Variants in STAB2 observed in about 807,000 individuals in gnomAD.
STAB2 encodes the protein stabilin-2.
STAB2 carries 288 observed loss-of-function variants against 338.1 expected under a neutral mutation model. The observed-to-expected ratio is 0.85, with a 90% confidence interval of 0.77 to 0.94. STAB2 has a LOEUF of 0.94. Among genes scored for constraint, STAB2 ranks in the 40% least tolerant of loss-of-function variants. The pLI is 0.00. For missense variants in STAB2, 3,141 were observed against 3,210.1 expected (o/e 0.98, Z 0.52); for synonymous variants, 1,202 against 1,193.3 (o/e 1.01, Z -0.15).
chr12:103,715,915 A>G (rs377425799), intron 43 of STAB2, 27 bp downstream of exon 43: 1 of 1,612,974 alleles, frequency 6.2e-7, no homozygotes. Flanking sequence ...CCAGGCCCTT[A>G]GGTTTCCTAA....
intron 58 of STAB2, among the ~76,000 whole-genome samples, 167 bp downstream of exon 58, chr12:103,746,871 A>G (rs1440266159): frequency 6.6e-6 from 1 of 151,132 alleles, no homozygotes; most frequent in Admixed American, 6.6e-5. Context: ...CTCATGCTTG[A>G]TCTGCTCACC....
intron 65 of STAB2, among the ~76,000 whole-genome samples, chr12:103,759,633 A>C (rs1383800644): frequency 6.6e-6 from 1 of 152,050 alleles, no homozygotes; most frequent in African/African-American, 2.4e-5. Flanking sequence ...AACTGTAAGG[A>C]CTTAAACAAG....
Position 103,702,278 on chromosome 12 carries a change from T to A in STAB2, c.3715-870T>A, listed in dbSNP as rs193220077. 3.2e-3 allele frequency among the ~76,000 whole-genome samples: 471 copies of A among 148,786 alleles called. 4 individuals are homozygous for A. The highest frequency in any genetic ancestry group is 5.6e-3 in the African/African-American group (228 of 40,356). ...GGACAGATATAAATATACCATTTTT[T>A]AAAAAATTATCAGTTATTTTTTTTT... is the stretch of plus-strand genomic sequence containing the variant. On this transcript the variant is annotated intron_variant, in intron 34 of 68. Transcript: ENST00000388887.
At chr12:103,699,855 T>C (rs1056947950) in intron 34 of STAB2, among the ~76,000 whole-genome samples, 3 of 152,198 alleles carry the variant, frequency 2.0e-5, no homozygotes, top group Non-Finnish European at 4.4e-5. Context: ...TCTGCAGTCA[T>C]AGGCGTCCTT....
intron 1 of STAB2, among the ~76,000 whole-genome samples, chr12:103,589,211 T>C (rs1305645108): frequency 6.6e-6 from 1 of 152,234 alleles, no homozygotes; most frequent in African/African-American, 2.4e-5. Context: ...TATATTTCAA[T>C]GAACTTAGAA....
Position 103,727,348 on chromosome 12 carries a change from CG to C in STAB2, c.4935+1del. On this transcript the variant is annotated frameshift_variant and splice_region_variant, in exon 47 of 69. Coordinates refer to ENST00000388887, the MANE Select transcript of STAB2 (RefSeq NM_017564.10). LOFTEE classifies it high-confidence loss of function. Reference protein sequence around the residue: ...PLSAAFDEEARVKDWDKYGLM... With the variant: ...PLSAAFDEEAXVKDWDKYGLM... ...ATCTGCAGCCTTTGATGAGGAAGCT[CG>C]GGTGAGCATGAGACTGTGGGCAGAA... is the stretch of plus-strand genomic sequence containing the variant. 1 of 1,614,178 alleles carries C rather than the reference CG, an allele frequency of 6.2e-7. No homozygotes were observed. The highest frequency in any genetic ancestry group is 1.3e-5 in the African/African-American group (1 of 75,054).
chr12:103,683,154 G>T, intron 25 of STAB2, 51 bp from the exon 26 acceptor site: 2 of 1,523,290 alleles, frequency 1.3e-6, no homozygotes, highest in South Asian at 1.1e-5. Flanking sequence ...GGAAAGACAT[G>T]GAAGGCACTT....
chr12:103,587,640 G>A (rs34792231), intron 1 of STAB2, 83 bp downstream of exon 1: 1 of 1,126,614 alleles, frequency 8.9e-7, no homozygotes, highest in South Asian at 1.4e-5. Flanking sequence ...TGTTGTTATG[G>A]GTAAAGGGTG....
rs111239630 is a variant in STAB2, at chr12:103,628,544, G to T, written c.488-3054G>T. 6.4e-3 allele frequency among the ~76,000 whole-genome samples: 968 copies of T among 152,278 alleles called. 8 individuals are homozygous for T. The highest frequency in any genetic ancestry group is 0.022 in the African/African-American group (915 of 41,548). ...AAGTCAAATATCAAGGTGTTGGCAG[G>T]GCCATGCTCCTTTTGAAGCTTCTAG... On this transcript the variant is annotated intron_variant, in intron 5 of 68. Transcript: ENST00000388887.
At position 103,590,910 on chromosome 12, in the gene STAB2, A is replaced by C. The variant is rs746399403; in HGVS notation, c.95A>C (p.Asp32Ala). Residue 32 changes from aspartate to alanine, a missense_variant, in exon 2 of 69, where the codon GAT (aspartate) becomes GCT (alanine). Asp to Ala is a moderately radical substitution (Grantham distance 126, BLOSUM62 -2). Transcript: ENST00000388887. ...ATATTTACACAGGCAAGAAGATGTG[A>C]TAGGAAGTCTCTTCTTACAATTAGG... ...AETTGQARRC[D>A]RKSLLTIRTE... The C allele has an allele frequency of 1.9e-6, 3 of 1,614,082 alleles. No homozygotes were observed. Among genetic ancestry groups the C allele is most frequent in the Non-Finnish European group, 2.5e-6 (3 of 1,180,008 alleles).
Position 103,740,550 on chromosome 12 carries a change from C to T in STAB2, c.5755-80C>T, listed in dbSNP as rs533722862. ...TTTATTTGGGCAGTACCTAAGACCT[C>T]CATGAGGGCACAGACTAGAGCCCCA... On this transcript the variant is annotated intron_variant, in intron 54 of 68. Coordinates refer to ENST00000388887, the MANE Select transcript of STAB2 (RefSeq NM_017564.10). 1.2e-5 allele frequency: 18 copies of T among 1,533,408 alleles called. No homozygotes were observed. In the South Asian group the frequency reaches 2.1e-4, roughly 18 times the overall value. 95.0% of individuals were successfully genotyped at this position (1,533,408 alleles called of 1,614,324 possible).
intron 18 of STAB2, among the ~76,000 whole-genome samples, chr12:103,665,418 A>G (rs1207099398): frequency 6.6e-6 from 1 of 152,192 alleles, no homozygotes; most frequent in Non-Finnish European, 1.5e-5. Context: ...GCTACTGCAG[A>G]GGTGTGGACA....
intron 17 of STAB2, among the ~76,000 whole-genome samples, chr12:103,661,404 T>C (rs1874608550): frequency 6.6e-6 from 1 of 152,196 alleles, no homozygotes; most frequent in Non-Finnish European, 1.5e-5. Flanking sequence ...GATTATCTCA[T>C]TCTTTCAACA....
intron 25 of STAB2, among the ~76,000 whole-genome samples, chr12:103,681,208 T>C (rs184060669): frequency 4.6e-5 from 7 of 152,286 alleles, no homozygotes; most frequent in African/African-American, 1.4e-4. Flanking sequence ...GTGAAAAAGC[T>C]CACTGCAGTC....
chr12:103,673,711 T>C (rs1203775715), intron 22 of STAB2, among the ~76,000 whole-genome samples, 196 bp from the exon 23 acceptor site: 1 of 152,234 alleles, frequency 6.6e-6, no homozygotes, highest in East Asian at 1.9e-4. Flanking sequence ...TCTCCAGGGC[T>C]GTCCCAGGCA....
intron 25 of STAB2, among the ~76,000 whole-genome samples, chr12:103,680,638 C>T (rs543563068): frequency 6.6e-6 from 1 of 152,344 alleles, no homozygotes; most frequent in South Asian, 2.1e-4. Flanking sequence ...CTCCCATCAG[C>T]CCTTGTGCAC....
intron 24 of STAB2, 44 bp from the exon 25 acceptor site, chr12:103,677,409 G>T (rs909228395): frequency 7.0e-6 from 11 of 1,576,480 alleles, no homozygotes; most frequent in Non-Finnish European, 9.5e-6. Context: ...TCATGTGGCT[G>T]GACTGAGGAT....
At chr12:103,681,496 G>A (rs1471989271) in intron 25 of STAB2, among the ~76,000 whole-genome samples, 2 of 151,866 alleles carry the variant, frequency 1.3e-5, no homozygotes, top group Non-Finnish European at 2.9e-5. Context: ...CTAATTTCAG[G>A]TGCTTTGCTG....
At position 103,627,667 on chromosome 12, in the gene STAB2, TA is replaced by T. The variant is rs1238594163; in HGVS notation, c.488-3930del. The stretch of plus-strand genomic sequence containing the variant: ...CCAGTGCCAGGCAGTCAATCCAGTA[TA>T]GAGGCTGTAGTGGAAGATAGCATGA... On this transcript the variant is annotated intron_variant, in intron 5 of 68. Coordinates refer to ENST00000388887, the MANE Select transcript of STAB2 (RefSeq NM_017564.10). 2.6e-5 allele frequency among the ~76,000 whole-genome samples: 4 copies of T among 152,254 alleles called. No individual in the cohort carries two copies. The South Asian group carries it at 6.2e-4, about 24-fold the overall frequency.
Sources: allele counts gnomAD v4.1 joint callset (sites outside exome capture counted in the v4.1 genomes callset), GRCh38; gene constraint gnomAD v4.1.1; transcripts MANE v1.5; gene names NCBI Gene and HGNC (gene_info 2026-07-23, HGNC 2026-07-21).